PHACTR1: variants seen among roughly 807,000 people sequenced by gnomAD.
The protein encoded by PHACTR1 is phosphatase and actin regulator 1, also known as RPEL repeat containing 1.
A neutral mutation model predicts 69.2 loss-of-function variants in PHACTR1; 16 were observed. The observed-to-expected ratio is 0.23, with a 90% CI of 0.16 to 0.35. The LOEUF (loss-of-function observed/expected upper bound fraction) is 0.35, where lower values mean the gene tolerates loss of function less well. Ranked by LOEUF, PHACTR1 falls within the 10% of genes least tolerant of loss-of-function variation. The pLI, the probability that PHACTR1 is intolerant of heterozygous loss-of-function variation, is 1.00. For synonymous variants in PHACTR1, 312 were observed against 284.5 expected, an observed-to-expected ratio of 1.10 and a Z score of -0.97; for missense variants, 510 against 734.7, an observed-to-expected ratio of 0.69 and a Z score of 3.54.
intron 4 of PHACTR1, among the ~76,000 whole-genome samples, chr6:13,041,392 T>C (rs373264641): frequency 2.5e-5 from 3 of 120,842 alleles, no homozygotes; most frequent in African/African-American, 8.7e-5. Flanking sequence ...AAGAGAAGAA[T>C]GTTTTAGCAA....
chr6:13,164,562 C>T (rs1463734255), intron 6 of PHACTR1, among the ~76,000 whole-genome samples: 3 of 152,184 alleles, frequency 2.0e-5, no homozygotes, highest in African/African-American at 7.2e-5. Flanking sequence ...CGCAGTTATG[C>T]TGTTTGTGTG....
At chr6:13,181,193 T>G (rs1762131598) in intron 6 of PHACTR1, among the ~76,000 whole-genome samples, 1 of 149,602 alleles carries the variant, frequency 6.7e-6, no homozygotes, top group Non-Finnish European at 1.5e-5. Context: ...GGACGGACTC[T>G]AATCGGGCGG....
chr6:12,940,158 C>G (rs1789919156), intron 4 of PHACTR1, among the ~76,000 whole-genome samples: 1 of 152,326 alleles, frequency 6.6e-6, no homozygotes, highest in East Asian at 1.9e-4. Context: ...CAAAAGCACA[C>G]CCTCTTGCAA....
intron 3 of PHACTR1, among the ~76,000 whole-genome samples, chr6:12,730,013 G>T (rs1461152907): frequency 6.6e-6 from 1 of 152,120 alleles, no homozygotes; most frequent in East Asian, 1.9e-4. Context: ...GTAGGAAAAA[G>T]AAACTCCATT....
chr6:13,061,978 C>A (rs964376797), intron 5 of PHACTR1, among the ~76,000 whole-genome samples: 8 of 152,172 alleles, frequency 5.3e-5, no homozygotes, highest in Non-Finnish European at 1.2e-4. Context: ...AATCAGGCAG[C>A]AGCTTCAGAT....
At position 12,960,612 on chromosome 6, in the gene PHACTR1, G is replaced by A. The variant is rs9473110; in HGVS notation, c.251-92753G>A. 7.1e-3 allele frequency among the ~76,000 whole-genome samples: 1,077 copies of A among 152,258 alleles called. 15 individuals carry two copies. The highest frequency in any genetic ancestry group is 0.025 in the African/African-American group (1,021 of 41,556). On this transcript the variant is annotated intron_variant, in intron 4 of 14. Coordinates refer to ENST00000332995, the MANE Select transcript of PHACTR1 (RefSeq NM_030948.6). Reference sequence around the variant, plus strand: ...CCCCACACCAGGGAGGGTCCAACAAGGACAAAGTAGCCCTTGTCTCCGGAC... The same window carrying A: ...CCCCACACCAGGGAGGGTCCAACAAAGACAAAGTAGCCCTTGTCTCCGGAC...
intron 4 of PHACTR1, among the ~76,000 whole-genome samples, chr6:12,976,195 A>C (rs772424743): frequency 5.9e-5 from 9 of 152,204 alleles, no homozygotes; most frequent in South Asian, 2.1e-4. Flanking sequence ...AGAGAGCAGG[A>C]TTGCCGACTT....
chr6:12,937,626 G>C (rs1217822729), intron 4 of PHACTR1, among the ~76,000 whole-genome samples: 1 of 152,098 alleles, frequency 6.6e-6, no homozygotes, highest in Admixed American at 6.5e-5. Flanking sequence ...TAAAACAGGG[G>C]CAAGGTCTAA....
chr6:13,252,463 G>T (rs1427073741), intron 10 of PHACTR1, among the ~76,000 whole-genome samples: 2 of 151,818 alleles, frequency 1.3e-5, no homozygotes, highest in Admixed American at 6.6e-5. Flanking sequence ...CATATAAATA[G>T]ATCCTTTCCT....
chr6:12,971,979 A>G (rs1794267498), intron 4 of PHACTR1, among the ~76,000 whole-genome samples: 1 of 152,194 alleles, frequency 6.6e-6, no homozygotes, highest in African/African-American at 2.4e-5. Context: ...AAGAGAACTG[A>G]CTTCTGTTGA....
chr6:12,909,884 C>A (rs1786182531), intron 4 of PHACTR1, among the ~76,000 whole-genome samples: 1 of 152,198 alleles, frequency 6.6e-6, no homozygotes, highest in South Asian at 2.1e-4. Flanking sequence ...TTACGATTCC[C>A]ACTATTCTTC....
At chr6:13,049,234 T>G (rs928055596) in intron 4 of PHACTR1, among the ~76,000 whole-genome samples, 1 of 149,444 alleles carries the variant, frequency 6.7e-6, no homozygotes, top group Non-Finnish European at 1.5e-5. Flanking sequence ...GAAAAGCGTT[T>G]CGGTTCTCAT....
At chr6:12,718,921 T>G in intron 3 of PHACTR1, 74 bp downstream of exon 3, 1 of 820,504 alleles carries the variant, frequency 1.2e-6, no homozygotes, top group South Asian at 2.1e-5. Context: ...AGGCTGTAGC[T>G]GTTAAAGCCT....
chr6:13,225,860 C>T (rs1244990602), intron 8 of PHACTR1, among the ~76,000 whole-genome samples: 2 of 152,210 alleles, frequency 1.3e-5, no homozygotes, highest in Non-Finnish European at 2.9e-5. Context: ...CCTCTTCCAT[C>T]CTTACTTCCT....
chr6:12,956,573 A>G (rs370219265), intron 4 of PHACTR1, among the ~76,000 whole-genome samples: 101 of 152,216 alleles, frequency 6.6e-4, no homozygotes, highest in African/African-American at 2.3e-3. Flanking sequence ...CCTTTCAGAA[A>G]TGTTTGCCTA....
At chr6:13,077,700 G>A (rs1430741557) in intron 5 of PHACTR1, among the ~76,000 whole-genome samples, 1 of 152,134 alleles carries the variant, frequency 6.6e-6, no homozygotes, top group African/African-American at 2.4e-5. Context: ...CAACCAACAG[G>A]AACAGGGGGA....
intron 4 of PHACTR1, among the ~76,000 whole-genome samples, chr6:12,863,512 A>G (rs1781146169): frequency 1.3e-5 from 2 of 152,242 alleles, no homozygotes; most frequent in Admixed American, 1.3e-4. Flanking sequence ...ATACTGTAAT[A>G]TCGAGATGAC....
intron 5 of PHACTR1, among the ~76,000 whole-genome samples, chr6:13,159,660 G>A (rs774943078): frequency 2.0e-5 from 3 of 152,088 alleles, no homozygotes; most frequent in Non-Finnish European, 2.9e-5. Context: ...CGCCTACCTT[G>A]GCTGGGCACA....
chr6:13,088,266 T>A (rs899271236), intron 5 of PHACTR1, among the ~76,000 whole-genome samples: 22 of 151,868 alleles, frequency 1.4e-4, no homozygotes, highest in African/African-American at 5.1e-4. Flanking sequence ...TAATATTTTT[T>A]AAAAGATTCT....
Sources: allele counts gnomAD v4.1 joint callset (sites outside exome capture counted in the v4.1 genomes callset), GRCh38; gene constraint gnomAD v4.1.1; transcripts MANE v1.5; gene names NCBI Gene and HGNC (gene_info 2026-07-23, HGNC 2026-07-21).